Variants in ABLIM2 observed in about 807,000 individuals in gnomAD.
ABLIM2 encodes the protein actin binding LIM protein family member 2, also known as actin-binding LIM protein 2.
In ABLIM2, 53 loss-of-function variants were observed where a neutral mutation model predicts 97.7. The observed-to-expected ratio is 0.54, with a 90% CI of 0.44 to 0.68. The LOEUF (loss-of-function observed/expected upper bound fraction) is 0.68, where lower values mean the gene tolerates loss of function less well. Among genes scored for constraint, ABLIM2 ranks in the 30% least tolerant of loss-of-function variants. ABLIM2 has a pLI of 0.00. For synonymous variants in ABLIM2, 361 were observed against 345.8 expected, an observed-to-expected ratio of 1.04 and a Z score of -0.49; for missense variants, 835 against 867.2, an observed-to-expected ratio of 0.96 and a Z score of 0.47.
In ABLIM2 at chr4:8,049,456, G is replaced by T. The variant is rs112229046; in HGVS notation, c.823-4215C>A. Among the ~76,000 whole-genome samples, 3 of 152,184 alleles carry T rather than the reference G, an allele frequency of 2.0e-5. No homozygotes were observed. The South Asian group carries it at 6.2e-4, about 32-fold the overall frequency. ...AATGGACTCTATCCACTTGGCCAGG[G>T]CATGCCAAAGTTAACCTGAAAGACT... On this transcript the variant is annotated intron_variant, in intron 8 of 20. Transcript: ENST00000447017.
At chr4:7,991,374 C>G (rs1397329716) in intron 17 of ABLIM2, among the ~76,000 whole-genome samples, 1 of 147,782 alleles carries the variant, frequency 6.8e-6, no homozygotes, top group African/African-American at 2.5e-5. Context: ...CAGGACCTCA[C>G]TCGGATGGTG....
intron 7 of ABLIM2, among the ~76,000 whole-genome samples, chr4:8,056,653 C>T (rs951682776): frequency 6.6e-6 from 1 of 151,662 alleles, no homozygotes; most frequent in Non-Finnish European, 1.5e-5. Context: ...CTTGAACAGG[C>T]CGGGTGCTGT....
At chr4:8,144,440 G>T (rs1248291396) in intron 1 of ABLIM2, among the ~76,000 whole-genome samples, 1 of 152,200 alleles carries the variant, frequency 6.6e-6, no homozygotes, top group Non-Finnish European at 1.5e-5. Flanking sequence ...AGGCGTGGAG[G>T]AGAATCACAA....
intron 7 of ABLIM2, among the ~76,000 whole-genome samples, chr4:8,057,967 C>T (rs866836583): frequency 2.6e-5 from 4 of 152,226 alleles, no homozygotes; most frequent in Admixed American, 6.5e-5. Flanking sequence ...GCTGGTCAGA[C>T]CTGTCATGAT....
chr4:7,968,238 G>T (rs77399379), intron 20 of ABLIM2, among the ~76,000 whole-genome samples: 54 of 152,378 alleles, frequency 3.5e-4, no homozygotes, highest in African/African-American at 1.3e-3. Flanking sequence ...CTTCTGAAAA[G>T]CGTGGCTTCA....
rs1392257699 is a variant in ABLIM2 at position 7,986,504 on chromosome 4, T to C, written c.1681-1611A>G. Among the ~76,000 whole-genome samples the C allele has an allele frequency of 6.6e-6, 1 of 152,198 alleles. No individual in the cohort carries two copies. Among genetic ancestry groups the C allele is most frequent in the East Asian group, 1.9e-4 (1 of 5,198 alleles). On this transcript the variant is annotated intron_variant, in intron 17 of 20. Transcript: ENST00000447017. This position sits in a 1 kb window ranked among gnomAD's most constrained non-coding sequence, Gnocchi z 4.3. ...GCTATTTTGTTTATCGTGAAATTTT[T>C]TACATTAATTTGGATTTCTAAAACT...
chr4:8,084,046 G>C (rs1385900947), intron 4 of ABLIM2, among the ~76,000 whole-genome samples: 2 of 152,044 alleles, frequency 1.3e-5, no homozygotes, highest in Non-Finnish European at 2.9e-5. Context: ...GGGGAGTAGG[G>C]GGGAGTCTCA....
rs1207238879 is a variant in ABLIM2, at chr4:8,054,417, G to A, written c.764-171C>T. Among the ~76,000 whole-genome samples the A allele has an allele frequency of 2.6e-5, 4 of 152,242 alleles. No homozygotes were observed. Among genetic ancestry groups the A allele is most frequent in the African/African-American group, 7.2e-5 (3 of 41,462 alleles). ...TGCTGGAGTTAGTGCCGGGCAGGGGGTACCCAGATCACAGTCCCCGCCCCT... is the reference window on the plus strand; with the variant it reads ...TGCTGGAGTTAGTGCCGGGCAGGGGATACCCAGATCACAGTCCCCGCCCCT... On this transcript the variant is annotated intron_variant, in intron 7 of 20. Coordinates refer to ENST00000447017, the MANE Select transcript of ABLIM2 (RefSeq NM_001130083.2). The surrounding 1 kb of genome is among the most constrained non-coding windows in gnomAD (Gnocchi z 4.9).
intron 9 of ABLIM2, among the ~76,000 whole-genome samples, chr4:8,037,856 G>A (rs1785555479): frequency 6.6e-6 from 1 of 152,336 alleles, no homozygotes; most frequent in Non-Finnish European, 1.5e-5. Flanking sequence ...AATGCGGGAC[G>A]CTGGGAGAAC....
intron 1 of ABLIM2, among the ~76,000 whole-genome samples, chr4:8,107,995 G>T (rs967385845): frequency 1.3e-5 from 2 of 152,184 alleles, no homozygotes; most frequent in East Asian, 1.9e-4. Context: ...GCAAGGAAAG[G>T]ATTCTCCTCC....
rs921317100 is a variant in ABLIM2, at chr4:8,001,142, C to A, written c.1618+6917G>T. On this transcript the variant is annotated intron_variant, in intron 16 of 20. Transcript: ENST00000447017. This position sits in a 1 kb window ranked among gnomAD's most constrained non-coding sequence, Gnocchi z 4.2. ...CTGAGGAAGACGGGCACCCCTCATC[C>A]CTGAGCAGCGGTGAATGAAATGCTG... is the stretch of plus-strand genomic sequence containing the variant. Among the ~76,000 whole-genome samples, 1 of 152,190 alleles carries A rather than the reference C, an allele frequency of 6.6e-6. No homozygotes were observed. Among genetic ancestry groups the A allele is most frequent in the African/African-American group, 2.4e-5 (1 of 41,454 alleles).
intron 5 of ABLIM2, among the ~76,000 whole-genome samples, chr4:8,078,212 G>A (rs1048928264): frequency 6.6e-6 from 1 of 152,216 alleles, no homozygotes; most frequent in Non-Finnish European, 1.5e-5. Flanking sequence ...CCTGCATCCT[G>A]GCCTGCATCA....
intron 16 of ABLIM2, chr4:8,007,179 A>G: frequency 1.0e-6 from 1 of 985,390 alleles, no homozygotes; most frequent in Non-Finnish European, 1.2e-6. Flanking sequence ...GATGAGAAAC[A>G]GTTTCTGTTT....
At chr4:8,144,950 G>A (rs2152951302) in intron 1 of ABLIM2, among the ~76,000 whole-genome samples, 1 of 152,358 alleles carries the variant, frequency 6.6e-6, no homozygotes, top group East Asian at 1.9e-4. Context: ...GCTCTGGGGA[G>A]GCGGCAGCAC....
rs759486555 is a variant in ABLIM2, at chr4:8,113,724, C to T, written c.11-7087G>A. On this transcript the variant is annotated intron_variant, in intron 1 of 20. Coordinates refer to ENST00000447017, the MANE Select transcript of ABLIM2 (RefSeq NM_001130083.2). The surrounding 1 kb of genome is among the most constrained non-coding windows in gnomAD (Gnocchi z 4.5). The stretch of plus-strand genomic sequence containing the variant: ...TCTGCTGTTTGTATCATCCAAACGG[C>T]TGGCTTGGGGTTTCCAAATGTCCTA... Among the ~76,000 whole-genome samples, 1 of 152,236 alleles carries T rather than the reference C, an allele frequency of 6.6e-6. No individual in the cohort carries two copies. The highest frequency in any genetic ancestry group is 1.5e-5 in the Non-Finnish European group (1 of 68,038).
At position 8,082,977 on chromosome 4, in the gene ABLIM2, G is replaced by C. The variant is rs1328192054; in HGVS notation, c.455-2175C>G. 6.6e-6 allele frequency among the ~76,000 whole-genome samples: 1 copy of C among 152,182 alleles called. No homozygotes were observed. The highest frequency in any genetic ancestry group is 1.5e-5 in the Non-Finnish European group (1 of 68,026). On this transcript the variant is annotated intron_variant, in intron 4 of 20. Transcript: ENST00000447017. The surrounding 1 kb of genome is among the most constrained non-coding windows in gnomAD (Gnocchi z 5.6). ...CAACTTGGGGCACTTTTGCCCAAGA[G>C]ACATTTGGCAATGTCTGGCGACCCT...
chr4:8,099,433 G>A (rs931427829), intron 2 of ABLIM2, among the ~76,000 whole-genome samples: 2 of 152,168 alleles, frequency 1.3e-5, no homozygotes, highest in Non-Finnish European at 2.9e-5. Flanking sequence ...CCAGTGCTGT[G>A]AGTCCACTCC....
intron 8 of ABLIM2, among the ~76,000 whole-genome samples, chr4:8,050,394 C>A (rs1795203579): frequency 6.6e-6 from 1 of 152,216 alleles, no homozygotes; most frequent in African/African-American, 2.4e-5. Context: ...CTCCTCCCTA[C>A]TGCAACCTTT....
chr4:7,967,131 G>C, intron 20 of ABLIM2, 28 bp from the exon 21 acceptor site: 1 of 1,589,178 alleles, frequency 6.3e-7, no homozygotes, highest in Non-Finnish European at 8.6e-7. Context: ...AAACAGAAGG[G>C]ACCAGTTAGC....
Sources: gnomAD v4.1 joint callset for allele counts (sites outside exome capture counted in the v4.1 genomes callset) on GRCh38, gnomAD v4.1.1 for gene constraint, Gnocchi (gnomAD v3.1) non-coding constraint, MANE v1.5 for transcripts, NCBI Gene and HGNC (gene_info 2026-07-23, HGNC 2026-07-21) for gene names.